PTPRD: variants seen among roughly 807,000 people sequenced by gnomAD.
PTPRD encodes receptor-type tyrosine-protein phosphatase delta.
Under a neutral mutation model 214.5 loss-of-function variants are expected in PTPRD, and 34 were observed. The ratio of observed to expected loss-of-function variants is 0.16; its 90% CI spans 0.12 to 0.21. PTPRD has a LOEUF of 0.21. PTPRD is among the 10% of genes least tolerant of loss of function. PTPRD has a pLI of 1.00. For missense variants in PTPRD, 2,545 were observed against 2,398.7 expected (o/e 1.06, Z -1.27); for synonymous variants, 1,128 against 845.7 (o/e 1.33, Z -5.79).
chr9:9,372,305 G>A (rs2059734502), intron 9 of PTPRD, among the ~76,000 whole-genome samples: 1 of 152,064 alleles, frequency 6.6e-6, no homozygotes, highest in Non-Finnish European at 1.5e-5. Context: ...TCCTGTATTG[G>A]GTGCATATAT....
intron 3 of PTPRD, among the ~76,000 whole-genome samples, chr9:10,266,930 T>A (rs1452051054): frequency 1.3e-5 from 2 of 151,898 alleles, no homozygotes; most frequent in East Asian, 3.9e-4. Context: ...GTGGCTCACA[T>A]CTGTAATCCC....
At chr9:9,896,306 C>G (rs538259721) in intron 5 of PTPRD, among the ~76,000 whole-genome samples, 1 of 152,024 alleles carries the variant, frequency 6.6e-6, no homozygotes, top group Non-Finnish European at 1.5e-5. Flanking sequence ...AGAAAAGAGT[C>G]ATGGACAAAG....
chr9:9,343,330 T>A lies in PTPRD; in HGVS notation c.-203+54119A>T, dbSNP rs150011420. 6.0e-3 allele frequency among the ~76,000 whole-genome samples: 906 copies of A among 152,208 alleles called. 6 individuals are homozygous for A. The highest frequency in any genetic ancestry group is 0.021 in the African/African-American group (875 of 41,538). On this transcript the variant is annotated intron_variant, in intron 9 of 45. Coordinates refer to ENST00000381196, the MANE Select transcript of PTPRD (RefSeq NM_002839.4). ...CTGTCTTCCTCAATGGTTAACTAATTTACACACCCAACAGTGTAAAAGTGT... is the reference window on the plus strand; with the variant it reads ...CTGTCTTCCTCAATGGTTAACTAATATACACACCCAACAGTGTAAAAGTGT...
intron 9 of PTPRD, among the ~76,000 whole-genome samples, chr9:9,363,111 C>CTTTTTTTTTTTTTTTT: frequency 7.7e-6 from 1 of 129,862 alleles, no homozygotes; most frequent in Non-Finnish European, 1.7e-5. Context: ...CTATTTTGTG[C>CTTTTTTTTTTTTTTTT]TTTTTTTTTT....
At chr9:9,116,183 G>C (rs1446526740) in intron 10 of PTPRD, among the ~76,000 whole-genome samples, 1 of 151,942 alleles carries the variant, frequency 6.6e-6, no homozygotes, top group Non-Finnish European at 1.5e-5. Flanking sequence ...GTAACAAACT[G>C]CTCATGTACT....
At chr9:8,486,938 C>G (rs1489297989) in intron 27 of PTPRD, among the ~76,000 whole-genome samples, 1 of 152,132 alleles carries the variant, frequency 6.6e-6, no homozygotes, top group Non-Finnish European at 1.5e-5. Context: ...AAACCCACCT[C>G]TGTCTGGAGT....
chr9:8,470,454 G>A (rs1177193214), intron 31 of PTPRD, among the ~76,000 whole-genome samples: 2 of 151,982 alleles, frequency 1.3e-5, no homozygotes, highest in African/African-American at 4.8e-5. Flanking sequence ...TCACAATTTT[G>A]TCATTTGTTT....
chr9:10,146,897 G>C (rs2099026445), intron 3 of PTPRD, among the ~76,000 whole-genome samples: 1 of 152,080 alleles, frequency 6.6e-6, no homozygotes, highest in Non-Finnish European at 1.5e-5. Context: ...ATATATTTGG[G>C]GAAGCTCAAT....
intron 3 of PTPRD, among the ~76,000 whole-genome samples, chr9:10,121,913 C>T (rs1415355428): frequency 6.6e-6 from 1 of 152,202 alleles, no homozygotes; most frequent in African/African-American, 2.4e-5. Flanking sequence ...ATTTCACCTC[C>T]TTCCTGCAAT....
intron 7 of PTPRD, among the ~76,000 whole-genome samples, chr9:9,602,655 T>C (rs2093862200): frequency 6.6e-6 from 1 of 152,132 alleles, no homozygotes; most frequent in Non-Finnish European, 1.5e-5. Context: ...AAAAAATAGA[T>C]ATACAAGCAT....
chr9:9,167,539 G>T (rs185095111), intron 10 of PTPRD, among the ~76,000 whole-genome samples: 1 of 152,194 alleles, frequency 6.6e-6, no homozygotes, highest in Admixed American at 6.5e-5. Flanking sequence ...TGGATCACCT[G>T]AGATCGGGAG....
At chr9:9,622,795 T>A (rs952332876) in intron 7 of PTPRD, among the ~76,000 whole-genome samples, 1 of 152,334 alleles carries the variant, frequency 6.6e-6, no homozygotes, top group Non-Finnish European at 1.5e-5. Context: ...TAAACACTGC[T>A]CAGGAATCTC....
chr9:9,450,588 T>A (rs939787844), intron 8 of PTPRD, among the ~76,000 whole-genome samples: 2 of 151,968 alleles, frequency 1.3e-5, no homozygotes, highest in Non-Finnish European at 2.9e-5. Flanking sequence ...TAAATTCTTA[T>A]CATAGATATG....
At chr9:9,511,359 G>T (rs77606187) in intron 8 of PTPRD, among the ~76,000 whole-genome samples, 1 of 151,688 alleles carries the variant, frequency 6.6e-6, no homozygotes, top group Admixed American at 6.6e-5. Context: ...CAATACAGCT[G>T]TTGTCTTTAA....
chr9:9,882,740 C>G (rs777420507), intron 5 of PTPRD, among the ~76,000 whole-genome samples: 1 of 151,836 alleles, frequency 6.6e-6, no homozygotes, highest in Admixed American at 6.6e-5. Context: ...CCCCTATACA[C>G]CCCCAGACCC....
intron 11 of PTPRD, among the ~76,000 whole-genome samples, chr9:8,956,157 C>G (rs2154311644): frequency 6.6e-6 from 1 of 151,862 alleles, no homozygotes; most frequent in African/African-American, 2.4e-5. Flanking sequence ...CCAGTGTGAA[C>G]AAAGAGTGTG....
In PTPRD at chr9:8,959,319, G is replaced by C. The variant is rs553299573; in HGVS notation, c.-104+59378C>G. Among the ~76,000 whole-genome samples the C allele has an allele frequency of 3.3e-5, 5 of 152,056 alleles. No homozygotes were observed. The South Asian group carries it at 1.0e-3, about 32-fold the overall frequency. On this transcript the variant is annotated intron_variant, in intron 11 of 45. Coordinates refer to ENST00000381196, the MANE Select transcript of PTPRD (RefSeq NM_002839.4). Reference sequence around the variant, plus strand: ...CAACTTACAGTGAGGGCTCAGGAGAGGGGATCTCTGAGAAACTGACTTTTA... The same window carrying C: ...CAACTTACAGTGAGGGCTCAGGAGACGGGATCTCTGAGAAACTGACTTTTA...
intron 11 of PTPRD, among the ~76,000 whole-genome samples, chr9:8,957,797 G>A (rs1276208112): frequency 6.6e-6 from 1 of 151,740 alleles, no homozygotes; most frequent in East Asian, 1.9e-4. Flanking sequence ...CTAATGCTGA[G>A]TATGCAAGTG....
At chr9:10,153,841 T>C (rs1396617325) in intron 3 of PTPRD, among the ~76,000 whole-genome samples, 1 of 152,144 alleles carries the variant, frequency 6.6e-6, no homozygotes, top group African/African-American at 2.4e-5. Flanking sequence ...CTGCGTAGAA[T>C]TCCATGGTAT....
Sources: gnomAD v4.1 joint callset for allele counts (sites outside exome capture counted in the v4.1 genomes callset) on GRCh38, gnomAD v4.1.1 for gene constraint, MANE v1.5 for transcripts, NCBI Gene and HGNC (gene_info 2026-07-23, HGNC 2026-07-21) for gene names.